Variants in RFTN2 observed in about 807,000 individuals in gnomAD.
RFTN2 encodes raftlin family member 2.
RFTN2 carries 34 observed loss-of-function variants against 52.7 expected under a neutral mutation model. The ratio of observed to expected loss-of-function variants is 0.64; its 90% CI spans 0.49 to 0.86. The LOEUF is 0.86. Among genes scored for constraint, RFTN2 ranks in the 40% least tolerant of loss-of-function variants. The pLI, the probability that RFTN2 is intolerant of heterozygous loss-of-function variation, is 0.00. For synonymous variants in RFTN2, 203 were observed against 217.7 expected (o/e 0.93, Z 0.59); for missense variants, 536 against 600.1 (o/e 0.89, Z 1.12).
At chr2:197,647,581 T>C (rs1210118794) in intron 1 of RFTN2, among the ~76,000 whole-genome samples, 1 of 152,234 alleles carries the variant, frequency 6.6e-6, no homozygotes, top group Non-Finnish European at 1.5e-5. Context: ...TGGCATTTAT[T>C]AGGCAGCACT....
intron 8 of RFTN2, among the ~76,000 whole-genome samples, chr2:197,594,382 C>T (rs1456312208): frequency 6.6e-6 from 1 of 152,054 alleles, no homozygotes; most frequent in African/African-American, 2.4e-5. Flanking sequence ...GGCTGGAATG[C>T]AGTGGCATGA....
chr2:197,621,510 A>G (rs116694274), intron 5 of RFTN2, among the ~76,000 whole-genome samples: 4,504 of 150,378 alleles, frequency 0.03, 102 homozygotes, highest in Middle Eastern at 0.059. Context: ...TTGGTGTCAC[A>G]TTTTAGTAAT....
At chr2:197,638,700 C>T (rs1483632024) in intron 3 of RFTN2, among the ~76,000 whole-genome samples, 3 of 147,494 alleles carry the variant, frequency 2.0e-5, no homozygotes, top group Non-Finnish European at 4.5e-5. Context: ...TCCAATTTGC[C>T]AGTCTGTGTC....
intron 8 of RFTN2, among the ~76,000 whole-genome samples, chr2:197,590,936 G>T (rs1368697381): frequency 6.6e-6 from 1 of 152,214 alleles, no homozygotes; most frequent in African/African-American, 2.4e-5. Flanking sequence ...CCCCAAGTGG[G>T]GAAGACGAGC....
At position 197,571,649 on chromosome 2, in the gene RFTN2, C is replaced by G. The variant is rs1467552578; in HGVS notation, c.*359G>C. 4.7e-6 allele frequency: 1 copy of G among 211,540 alleles called. No individual in the cohort carries two copies. Among genetic ancestry groups the G allele is most frequent in the Non-Finnish European group, 9.5e-6 (1 of 105,686 alleles). 13.1% of individuals were successfully genotyped at this position (211,540 alleles called of 1,614,324 possible). A position where few individuals can be genotyped will look rare whatever the true frequency, so the allele number is the denominator to read the frequency against. On this transcript the variant is annotated 3_prime_UTR_variant, in exon 9 of 9. Coordinates refer to ENST00000295049, the MANE Select transcript of RFTN2 (RefSeq NM_144629.3). ...AAGACTGTAACTTCCTGAGAACTCTCTCTAATTGGGTAAAATACTGATTGA... is the reference window on the plus strand; with the variant it reads ...AAGACTGTAACTTCCTGAGAACTCTGTCTAATTGGGTAAAATACTGATTGA...
intron 1 of RFTN2, among the ~76,000 whole-genome samples, chr2:197,659,406 G>A (rs1016499364): frequency 1.1e-4 from 17 of 150,064 alleles, no homozygotes; most frequent in African/African-American, 3.9e-4. Flanking sequence ...GGCACCAGGA[G>A]GCAAAGGTTG....
At chr2:197,619,433 G>A (rs1400914713) in intron 5 of RFTN2, among the ~76,000 whole-genome samples, 6 of 152,304 alleles carry the variant, frequency 3.9e-5, no homozygotes, top group African/African-American at 1.4e-4. Flanking sequence ...CTGTTGATTG[G>A]TGACCTTACC....
chr2:197,638,125 C>G (rs1312252686), intron 3 of RFTN2, among the ~76,000 whole-genome samples: 1 of 146,798 alleles, frequency 6.8e-6, no homozygotes, highest in African/African-American at 2.5e-5. Context: ...AATTTCTGTT[C>G]TTTTACATTT....
At chr2:197,656,487 G>A (rs1032821318) in intron 1 of RFTN2, among the ~76,000 whole-genome samples, 3 of 152,196 alleles carry the variant, frequency 2.0e-5, no homozygotes, top group South Asian at 4.1e-4. Flanking sequence ...GAAAATAACT[G>A]TAAAACATGA....
chr2:197,646,109 T>C lies in RFTN2; in HGVS notation c.323+374A>G, dbSNP rs2088744261. The stretch of plus-strand genomic sequence containing the variant: ...AATGTAGGACAGTCAGAAAGCTCAG[T>C]GAAAGTGGACTTGGTAGGTCTGGTC... On this transcript the variant is annotated intron_variant, in intron 2 of 8. Transcript: ENST00000295049. Among the ~76,000 whole-genome samples, 2 of 152,184 alleles carry C rather than the reference T, an allele frequency of 1.3e-5. 1 individual carries two copies. Among genetic ancestry groups the C allele is most frequent in the South Asian group, 4.1e-4 (2 of 4,838 alleles).
At chr2:197,619,142 G>C (rs1267002265) in intron 5 of RFTN2, among the ~76,000 whole-genome samples, 2 of 150,588 alleles carry the variant, frequency 1.3e-5, no homozygotes, top group African/African-American at 4.9e-5. Context: ...GGTGGGGGGG[G>C]TCAGCCCCCC....
chr2:197,573,306 T>C (rs552845322), intron 8 of RFTN2, among the ~76,000 whole-genome samples: 1 of 152,308 alleles, frequency 6.6e-6, no homozygotes, highest in Non-Finnish European at 1.5e-5. Context: ...GTTGAGATGA[T>C]TTCAGATGGA....
chr2:197,604,568 G>A (rs1289876288), intron 7 of RFTN2, among the ~76,000 whole-genome samples: 1 of 152,118 alleles, frequency 6.6e-6, no homozygotes, highest in African/African-American at 2.4e-5. Flanking sequence ...GGCAAGCAAG[G>A]ATATGACTAT....
intron 1 of RFTN2, among the ~76,000 whole-genome samples, chr2:197,651,479 C>T (rs751947164): frequency 6.6e-6 from 1 of 152,064 alleles, no homozygotes; most frequent in Non-Finnish European, 1.5e-5. Context: ...ATTAGCCAGG[C>T]ATGGTGGCAG....
intron 8 of RFTN2, among the ~76,000 whole-genome samples, chr2:197,573,147 G>A (rs559232475): frequency 4.6e-5 from 7 of 152,200 alleles, no homozygotes; most frequent in East Asian, 1.9e-4. Context: ...ATGTAGAAGC[G>A]ACTTTGGAAC....
chr2:197,672,078 A>G (rs1228889110), intron 1 of RFTN2, among the ~76,000 whole-genome samples: 1 of 152,232 alleles, frequency 6.6e-6, no homozygotes, highest in East Asian at 1.9e-4. Flanking sequence ...AAGCAGGAAT[A>G]ATGAATTGTT....
At chr2:197,623,061 CAT>C (rs1238417410) in intron 5 of RFTN2, among the ~76,000 whole-genome samples, 1 of 152,148 alleles carries the variant, frequency 6.6e-6, no homozygotes, top group Non-Finnish European at 1.5e-5. Flanking sequence ...TTCTGCAGCC[CAT>C]GGATCAAGGA....
intron 8 of RFTN2, among the ~76,000 whole-genome samples, chr2:197,592,330 G>A (rs1376842997): frequency 6.6e-6 from 1 of 152,136 alleles, no homozygotes; most frequent in African/African-American, 2.4e-5. Context: ...TGAGTAGCTG[G>A]GATTACAGGC....
intron 1 of RFTN2, among the ~76,000 whole-genome samples, chr2:197,664,957 A>T (rs531740336): frequency 1.3e-5 from 2 of 152,104 alleles, no homozygotes; most frequent in Non-Finnish European, 2.9e-5. Context: ...TTCATTGGGT[A>T]CTCATGGACA....
Sources: allele counts gnomAD v4.1 joint callset (sites outside exome capture counted in the v4.1 genomes callset), GRCh38; gene constraint gnomAD v4.1.1; transcripts MANE v1.5; gene names NCBI Gene and HGNC (gene_info 2026-07-23, HGNC 2026-07-21).